Variants in ANK3 observed in about 807,000 individuals in gnomAD.
The protein encoded by ANK3 is ankyrin 3.
A neutral mutation model predicts 370.9 loss-of-function variants in ANK3; 57 were observed. That is an observed-to-expected ratio of 0.15 (90% confidence interval 0.12 to 0.19). The LOEUF is 0.19. Among genes scored for constraint, ANK3 ranks in the 10% least tolerant of loss-of-function variants. The probability of loss-of-function intolerance (pLI) is 1.00; values close to 1 mark genes in which losing one functional copy is unlikely to be tolerated. For missense variants in ANK3, 4,439 were observed against 5,302.1 expected, an observed-to-expected ratio of 0.84 and a Z score of 5.06; for synonymous variants, 1,929 against 1,946.3, an observed-to-expected ratio of 0.99 and a Z score of 0.23.
intron 2 of ANK3, among the ~76,000 whole-genome samples, chr10:60,587,727 G>T (rs562543775): frequency 6.6e-6 from 1 of 152,162 alleles, no homozygotes; most frequent in East Asian, 1.9e-4. Flanking sequence ...ACCTTTAGAG[G>T]ATACCTCAGG....
chr10:60,346,537 G>A (rs1439862199), intron 1 of ANK3, among the ~76,000 whole-genome samples: 1 of 151,944 alleles, frequency 6.6e-6, no homozygotes, highest in Non-Finnish European at 1.5e-5. Flanking sequence ...TATAATAAAT[G>A]CCCCACATTA....
At chr10:60,218,897 T>TC (rs1244379329) in intron 8 of ANK3, among the ~76,000 whole-genome samples, 1 of 152,134 alleles carries the variant, frequency 6.6e-6, no homozygotes, top group Non-Finnish European at 1.5e-5. Flanking sequence ...GTTTCCATTC[T>TC]CCCCATCTCC....
chr10:60,660,885 A>G (rs1053504074), intron 1 of ANK3, among the ~76,000 whole-genome samples: 3 of 151,624 alleles, frequency 2.0e-5, no homozygotes, highest in African/African-American at 4.9e-5. Context: ...TGAGAAAAAA[A>G]GGAGCAAACC....
chr10:60,347,462 C>G (rs2055854734), intron 1 of ANK3, among the ~76,000 whole-genome samples: 1 of 151,896 alleles, frequency 6.6e-6, no homozygotes, highest in Admixed American at 6.6e-5. Flanking sequence ...AAATGTGAGT[C>G]AAATCCCAAG....
At chr10:60,597,938 C>A (rs2078010687) in intron 2 of ANK3, among the ~76,000 whole-genome samples, 1 of 152,114 alleles carries the variant, frequency 6.6e-6, no homozygotes, top group Admixed American at 6.5e-5. Flanking sequence ...AAGCTTGGTT[C>A]CTTTTTCTGA....
At chr10:60,529,931 G>A (rs1468105292) in intron 2 of ANK3, among the ~76,000 whole-genome samples, 1 of 152,170 alleles carries the variant, frequency 6.6e-6, no homozygotes, top group Non-Finnish European at 1.5e-5. Flanking sequence ...GTGGGAAGGA[G>A]GGAATTCTCA....
chr10:60,514,530 T>TC (rs2076168578), intron 2 of ANK3, among the ~76,000 whole-genome samples: 1 of 152,060 alleles, frequency 6.6e-6, no homozygotes, highest in Non-Finnish European at 1.5e-5. Context: ...TGCAGTTGGA[T>TC]CCCCCCATAT....
chr10:60,226,041 AATAG>A (rs1203177385), intron 8 of ANK3, among the ~76,000 whole-genome samples: 1 of 143,752 alleles, frequency 7.0e-6, no homozygotes, highest in Non-Finnish European at 1.5e-5. Flanking sequence ...TATTATATAT[AATAG>A]AGAGTGTATA....
chr10:60,072,049 C>A lies in ANK3; in HGVS notation c.8832G>T (p.Leu2944Phe). The A allele has an allele frequency of 1.2e-6, 2 of 1,614,100 alleles. No individual in the cohort carries two copies. Among genetic ancestry groups the A allele is most frequent in the Non-Finnish European group, 1.7e-6 (2 of 1,180,002 alleles). Residue 2944 changes from leucine (L) to phenylalanine (F), a missense_variant, in exon 37 of 44, where the codon TTG becomes TTT. Around this residue, in one of 13 missense-constraint regions of ANK3, gnomAD observed 1,601 missense variants for 1,731.7 expected, o/e 0.92. Coordinates refer to ENST00000280772, the MANE Select transcript of ANK3 (RefSeq NM_020987.5). ...VVKEGDHPGG[L>F]LDQPSRRSES... is the part of the protein sequence containing the mutation. ...CGCTCCTCCTGGAAGGCTGATCAAG[C>A]AATCCGCCTGGATGGTCCCCTTCTT...
At chr10:60,343,732 C>T (rs567241644) in intron 1 of ANK3, among the ~76,000 whole-genome samples, 96 of 152,198 alleles carry the variant, frequency 6.3e-4, no homozygotes, top group African/African-American at 2.0e-3. Flanking sequence ...GTGATGACAG[C>T]GAGAATACAG....
At chr10:60,102,937 T>G (rs1453593283) in intron 28 of ANK3, among the ~76,000 whole-genome samples, 3 of 152,110 alleles carry the variant, frequency 2.0e-5, no homozygotes, top group Non-Finnish European at 2.9e-5. Flanking sequence ...TACGTTATAT[T>G]AAATAATGGT....
chr10:60,477,952 G>A (rs1400373177), intron 2 of ANK3, among the ~76,000 whole-genome samples: 1 of 151,992 alleles, frequency 6.6e-6, no homozygotes, highest in Non-Finnish European at 1.5e-5. Context: ...ATGAAGTCAG[G>A]TGACTTTGTA....
intron 16 of ANK3, among the ~76,000 whole-genome samples, chr10:60,195,277 G>C (rs940843833): frequency 2.0e-5 from 3 of 151,828 alleles, no homozygotes; most frequent in Non-Finnish European, 4.4e-5. Flanking sequence ...CCAGCTACTC[G>C]GGAGGCTGAG....
chr10:60,332,391 T>G (rs1177455582), intron 1 of ANK3, among the ~76,000 whole-genome samples: 1 of 152,218 alleles, frequency 6.6e-6, no homozygotes, highest in Non-Finnish European at 1.5e-5. Context: ...CATATTCTAA[T>G]GCAAAGTATG....
intron 5 of ANK3, among the ~76,000 whole-genome samples, chr10:60,265,662 A>C (rs2097864859): frequency 6.6e-6 from 1 of 152,168 alleles, no homozygotes; most frequent in South Asian, 2.1e-4. Flanking sequence ...ATGGTAAAGA[A>C]AAGCATTTGG....
chr10:60,520,123 C>T (rs1210444705), intron 2 of ANK3, among the ~76,000 whole-genome samples: 2 of 152,086 alleles, frequency 1.3e-5, no homozygotes, highest in Non-Finnish European at 2.9e-5. Flanking sequence ...GAAATCATGT[C>T]CTTTGCAGCA....
At chr10:60,670,429 A>C (rs1446398569) in intron 1 of ANK3, among the ~76,000 whole-genome samples, 1 of 152,040 alleles carries the variant, frequency 6.6e-6, no homozygotes, top group Non-Finnish European at 1.5e-5. Context: ...AGACCTGTAG[A>C]TCTGAGCTGG....
At chr10:60,625,794 T>C (rs183762515) in intron 1 of ANK3, among the ~76,000 whole-genome samples, 1 of 152,332 alleles carries the variant, frequency 6.6e-6, no homozygotes, top group Non-Finnish European at 1.5e-5. Flanking sequence ...ATTTTGCTGT[T>C]CTAAAAGTTT....
At chr10:60,301,230 T>G (rs1205103942) in intron 1 of ANK3, among the ~76,000 whole-genome samples, 1 of 145,082 alleles carries the variant, frequency 6.9e-6, no homozygotes, top group Non-Finnish European at 1.5e-5. Flanking sequence ...TATGTATATA[T>G]AAAGTATATA....
Sources: gnomAD v4.1 joint callset for allele counts (sites outside exome capture counted in the v4.1 genomes callset) on GRCh38, gnomAD v4.1.1 for gene constraint, gnomAD v4.1.1 regional missense constraint, MANE v1.5 for transcripts, NCBI Gene and HGNC (gene_info 2026-07-23, HGNC 2026-07-21) for gene names.